CSN3: variants seen among roughly 807,000 people sequenced by gnomAD.
CSN3 encodes the protein casein kappa.
CSN3 carries 7 observed loss-of-function variants against 9.9 expected under a neutral mutation model. The observed-to-expected ratio is 0.71, with a 90% CI of 0.40 to 1.33. The LOEUF is 1.33. Ranked by LOEUF, CSN3 falls within the 40% of genes most tolerant of loss-of-function variation. CSN3 has a pLI of 0.01. For synonymous variants in CSN3, 88 were observed against 82.3 expected, an observed-to-expected ratio of 1.07 and a Z score of -0.37; for missense variants, 253 against 227.9, an observed-to-expected ratio of 1.11 and a Z score of -0.71.
upstream of CSN3, among the ~76,000 whole-genome samples, chr4:70,242,282 T>C (rs1229700196): frequency 9.2e-5 from 1 of 10,840 alleles, no homozygotes; most frequent in East Asian, 5.3e-3. Context: ...ATTTCTTTTT[T>C]ATTTTATTTT....
chr4:70,245,690 C>A (rs773018506), intron 2 of CSN3, among the ~76,000 whole-genome samples: 7 of 152,042 alleles, frequency 4.6e-5, no homozygotes, highest in Non-Finnish European at 8.8e-5. Context: ...AACACTAGTC[C>A]TCGTTCTGTG....
At chr4:70,248,932 G>C in intron 3 of CSN3, 66 bp from the exon 4 acceptor site, 2 of 1,197,304 alleles carry the variant, frequency 1.7e-6, no homozygotes, top group South Asian at 1.6e-5. Flanking sequence ...AAAAAATGCA[G>C]ATTTAAGGTA....
intron 3 of CSN3, among the ~76,000 whole-genome samples, chr4:70,248,514 A>G (rs1578254935): frequency 6.6e-6 from 1 of 152,292 alleles, no homozygotes; most frequent in African/African-American, 2.4e-5. Flanking sequence ...GAAAAAATAA[A>G]TGTGCTCTTG....
chr4:70,248,883 T>G, intron 3 of CSN3, 115 bp from the exon 4 acceptor site: 1 of 664,934 alleles, frequency 1.5e-6, no homozygotes, highest in Non-Finnish European at 2.4e-6. Context: ...GGTTCCATAC[T>G]TCTAATATCT....
chr4:70,240,551 C>T (rs1346797433), upstream of CSN3, among the ~76,000 whole-genome samples: 5 of 151,926 alleles, frequency 3.3e-5, no homozygotes, highest in African/African-American at 1.2e-4. Flanking sequence ...TCAGAGCATG[C>T]GAGTTCTGAT....
chr4:70,247,393 A>T (rs1382355997), intron 2 of CSN3, among the ~76,000 whole-genome samples: 1 of 152,198 alleles, frequency 6.6e-6, no homozygotes, highest in South Asian at 2.1e-4. Flanking sequence ...CTTCTAAGTA[A>T]ACCTTATGAA....
chr4:70,249,972 A>T (rs1243362748), intron 4 of CSN3, among the ~76,000 whole-genome samples: 5 of 152,178 alleles, frequency 3.3e-5, no homozygotes, highest in Non-Finnish European at 5.9e-5. Context: ...GCTTCCATGC[A>T]TTTCTTTATT....
intron 3 of CSN3, 95 bp from the exon 4 acceptor site, chr4:70,248,903 G>T (rs1338844721): frequency 2.4e-6 from 2 of 848,072 alleles, no homozygotes; most frequent in East Asian, 5.4e-5. Context: ...TTACTCAATG[G>T]TAAATACTAT....
intron 4 of CSN3, 78 bp downstream of exon 4, chr4:70,249,571 G>A: frequency 2.3e-6 from 2 of 869,220 alleles, no homozygotes; most frequent in East Asian, 2.7e-5. Flanking sequence ...TTCTAAAATA[G>A]TACAAATAGA....
At position 70,249,564 on chromosome 4, in the gene CSN3, T is replaced by C. The variant is rs1046964673; in HGVS notation, c.*34+71T>C. On this transcript the variant is annotated intron_variant, in intron 4 of 4. Coordinates refer to ENST00000304954, the Ensembl canonical transcript of CSN3. ...GATTTATGAATACAACCATAAATTC[T>C]AAAATAGTACAAATAGATAAACTAA... The C allele has an allele frequency of 2.1e-5, 19 of 909,490 alleles. No individual in the cohort carries two copies. The African/African-American group carries it at 2.5e-4, about 12-fold the overall frequency. The allele number at this position is 909,490 out of a possible 1,614,324, so 56.3% of individuals were successfully genotyped here.
chr4:70,239,033 C>A (rs951700416), upstream of CSN3, among the ~76,000 whole-genome samples: 2 of 151,688 alleles, frequency 1.3e-5, no homozygotes, highest in Non-Finnish European at 2.9e-5. Context: ...AAGGCAATAG[C>A]CTACTGATGA....
upstream of CSN3, among the ~76,000 whole-genome samples, chr4:70,240,491 C>A (rs1301841792): frequency 2.0e-5 from 3 of 151,972 alleles, no homozygotes; most frequent in Non-Finnish European, 4.4e-5. Flanking sequence ...GTTATAAACA[C>A]TCTCAGTTTG....
intron 2 of CSN3, 57 bp from the exon 3 acceptor site, chr4:70,247,761 A>G: frequency 7.6e-7 from 1 of 1,322,024 alleles, no homozygotes; most frequent in South Asian, 1.3e-5. Context: ...TGATTTAAGT[A>G]CTTTTTTTTT....
intron 1 of CSN3, among the ~76,000 whole-genome samples, chr4:70,243,515 T>C (rs1560495601): frequency 1.3e-5 from 2 of 152,074 alleles, no homozygotes; most frequent in Non-Finnish European, 2.9e-5. Context: ...CTAATCATTA[T>C]TGCCTGAGAA....
intron 4 of CSN3, 121 bp downstream of exon 4, chr4:70,249,614 A>C: frequency 1.5e-6 from 1 of 659,222 alleles, no homozygotes; most frequent in South Asian, 2.1e-5. Context: ...CAGACAAAAC[A>C]GGGTACTTAC....
At chr4:70,240,423 A>G (rs1051677455), upstream of CSN3, among the ~76,000 whole-genome samples, 1 of 151,968 alleles carries the variant, frequency 6.6e-6, no homozygotes. Flanking sequence ...TTCCAGAATC[A>G]GGCCATGCCC....
intron 3 of CSN3, 77 bp downstream of exon 3, chr4:70,247,927 T>C: frequency 4.8e-6 from 5 of 1,052,558 alleles, no homozygotes; most frequent in South Asian, 1.7e-5. Context: ...GTATTATAGA[T>C]GCCTTCTGTC....
chr4:70,247,818 G>A lies in CSN3; in HGVS notation c.55G>A (p.Ala19Thr), dbSNP rs552991081. The A allele has an allele frequency of 6.9e-6, 11 of 1,592,344 alleles. No individual in the cohort carries two copies. The African/African-American group carries it at 1.5e-4, about 22-fold the overall frequency. ...TATTTCTTCTTCTGGAACTCCCCAGGCTGTGGAGGTTCAAAACCAGAAACA... is the reference window on the plus strand; with the variant it reads ...TATTTCTTCTTCTGGAACTCCCCAGACTGTGGAGGTTCAAAACCAGAAACA... Residue 19 changes from alanine to threonine, a missense_variant and splice_region_variant, in exon 3 of 5, where the codon GCT (alanine) becomes ACT (threonine). Physicochemically the swap from Ala to Thr is moderately conservative, Grantham distance 58. Coordinates refer to ENST00000304954, the Ensembl canonical transcript of CSN3.
chr4:70,247,739 G>T (rs1381035713), intron 2 of CSN3, 79 bp from the exon 3 acceptor site: 2 of 1,212,478 alleles, frequency 1.6e-6, no homozygotes, highest in Non-Finnish European at 2.3e-6. Context: ...TAACACAAAA[G>T]ATTTTTTTAA....
Sources: gnomAD v4.1 joint callset for allele counts (sites outside exome capture counted in the v4.1 genomes callset) on GRCh38, gnomAD v4.1.1 for gene constraint, MANE v1.5 for transcripts, NCBI Gene and HGNC (gene_info 2026-07-23, HGNC 2026-07-21) for gene names.